TMEM230: variants seen among roughly 807,000 people sequenced by gnomAD.
The protein encoded by TMEM230 is transmembrane protein 230, also known as UPF0414 transmembrane protein C20orf30.
Under a neutral mutation model 15.8 loss-of-function variants are expected in TMEM230, and 10 were observed. The ratio of observed to expected loss-of-function variants is 0.63; its 90% CI spans 0.39 to 1.07. The LOEUF (loss-of-function observed/expected upper bound fraction) is 1.07. TMEM230 is among the 50% of genes least tolerant of loss of function. The pLI is 0.01. For synonymous variants in TMEM230, 67 were observed against 76.9 expected (o/e 0.87, Z 0.68); for missense variants, 165 against 193.3 (o/e 0.85, Z 0.87).
At chr20:5,091,000 G>A (rs1287901105) in intron 3 of TMEM230, among the ~76,000 whole-genome samples, 1 of 152,104 alleles carries the variant, frequency 6.6e-6, no homozygotes, top group African/African-American at 2.4e-5. Context: ...TTCATGATAA[G>A]CCTTGTTGAA....
intron 4 of TMEM230, among the ~76,000 whole-genome samples, chr20:5,103,430 C>T (rs2089948822): frequency 6.6e-6 from 1 of 152,026 alleles, no homozygotes; most frequent in Non-Finnish European, 1.5e-5. Flanking sequence ...CACCACTGTA[C>T]TCCTGGACTG....
At chr20:5,106,597 G>A (rs1218858026) in intron 3 of TMEM230, among the ~76,000 whole-genome samples, 1 of 152,146 alleles carries the variant, frequency 6.6e-6, no homozygotes, top group Non-Finnish European at 1.5e-5. Flanking sequence ...AGTAGAGACA[G>A]GGTTTCACCT....
At chr20:5,081,880 T>C (rs1274546989) in intron 3 of TMEM230, among the ~76,000 whole-genome samples, 20 of 44,002 alleles carry the variant, frequency 4.5e-4, no homozygotes, top group Admixed American at 2.2e-3. Context: ...TTTCTTTTTT[T>C]TTTTTTTTTT....
At chr20:5,061,735 G>T in the TMEM230 span, among the ~76,000 whole-genome samples, 1 of 152,082 alleles carries the variant, frequency 6.6e-6, no homozygotes, top group African/African-American at 2.4e-5. Context: ...TGAGAGGATG[G>T]AGCAAAGGAC....
At position 5,100,903 on chromosome 20, in the gene TMEM230, A is replaced by G. The variant is rs529854122; in HGVS notation, c.440T>C (p.Ile147Thr). Residue 147 changes from isoleucine to threonine, a missense_variant, in exon 5 of 5, where the codon ATC becomes ACC. Transcript: ENST00000342308. ...GGGTAGGAACACCAGAATGCCAATG[A>G]TCAGCACTGGAACGGCCCGGTCTGC... 9 of 1,614,190 alleles carry G rather than the reference A, an allele frequency of 5.6e-6. No homozygotes were observed. In the African/African-American group the frequency reaches 1.1e-4, roughly 19 times the overall value.
At chr20:5,112,920 G>A (rs1021978905) in intron 1 of TMEM230, 41 bp downstream of exon 1, 1 of 1,549,330 alleles carries the variant, frequency 6.5e-7, no homozygotes, top group Middle Eastern at 1.7e-4. Context: ...CAGAGCCCGA[G>A]AGGACGGTTC....
downstream of TMEM230, among the ~76,000 whole-genome samples, chr20:5,095,875 T>TG (rs2089651670): frequency 6.6e-6 from 1 of 151,502 alleles, no homozygotes; most frequent in South Asian, 2.1e-4. Context: ...TGAGGGGAGG[T>TG]GAAAAAATAG....
chr20:5,063,573 G>C (rs1258775244), downstream of TMEM230, among the ~76,000 whole-genome samples: 1 of 152,084 alleles, frequency 6.6e-6, no homozygotes, highest in East Asian at 1.9e-4. Context: ...AGAGGTGTGA[G>C]CCACCATGGC....
At chr20:5,105,778 C>T (rs921239324) in intron 4 of TMEM230, among the ~76,000 whole-genome samples, 1 of 151,896 alleles carries the variant, frequency 6.6e-6, no homozygotes, top group Non-Finnish European at 1.5e-5. Flanking sequence ...ATGGTTCACA[C>T]CTGCAATCCC....
exon 4 of TMEM230, chr20:5,069,237 C>T: frequency 6.5e-7 from 1 of 1,536,028 alleles, no homozygotes. Flanking sequence ...AAGCCTTGAG[C>T]TGAGTCCTCC....
Position 5,087,573 on chromosome 20 carries a change from C to A in TMEM230, c.223-18224G>T, listed in dbSNP as rs150032926. On this transcript the variant is annotated intron_variant, in intron 3 of 3. Transcript: ENST00000612323. ...GCAGTGGTACAATCTACAACCTCTA[C>A]CTCCTCTCCCCTGGCCTGGGTAGAG... Among the ~76,000 whole-genome samples the A allele has an allele frequency of 5.3e-5, 8 of 151,486 alleles. No homozygotes were observed. The East Asian group carries it at 1.6e-3, about 30-fold the overall frequency.
intron 3 of TMEM230, among the ~76,000 whole-genome samples, chr20:5,107,344 C>CTAGA (rs1316012498): frequency 6.6e-6 from 1 of 152,072 alleles, no homozygotes; most frequent in Non-Finnish European, 1.5e-5. Context: ...AAGAACCAAA[C>CTAGA]TAGATACTTT....
At chr20:5,086,744 G>GAGTAC (rs2089348990) in intron 3 of TMEM230, among the ~76,000 whole-genome samples, 1 of 150,368 alleles carries the variant, frequency 6.7e-6, no homozygotes, top group South Asian at 2.1e-4. Context: ...CTGTTGCTCA[G>GAGTAC]AGTGGAGTAC....
rs572528102 is a variant in TMEM230, at chr20:5,106,622, G to T, written c.289-312C>A. ...GGGTTTCACCTTGTTGACCTGGCTG[G>T]GCTTGAACTCCTGACCTCAGGTGAT... On this transcript the variant is annotated intron_variant, in intron 3 of 4. Coordinates refer to ENST00000342308, the MANE Select transcript of TMEM230 (RefSeq NM_001009923.2). 5.3e-5 allele frequency among the ~76,000 whole-genome samples: 8 copies of T among 152,210 alleles called. No homozygotes were observed. In the East Asian group the frequency reaches 1.6e-3, roughly 30 times the overall value.
At chr20:5,084,299 C>T (rs1029964872) in intron 3 of TMEM230, among the ~76,000 whole-genome samples, 1 of 151,348 alleles carries the variant, frequency 6.6e-6, no homozygotes. Context: ...TCTCGGCTCA[C>T]TGCAACCTCC....
At chr20:5,106,074 GACAAACACACACACACAC>G (rs1161845084) in intron 4 of TMEM230, 96 bp downstream of exon 3, 219 of 1,170,788 alleles carry the variant, frequency 1.9e-4, no homozygotes, top group African/African-American at 1.3e-3. Context: ...CACTGGGACG[GACAAACACACACACACAC>G]ACACACACAC....
At chr20:5,081,864 C>CTTTTTTTTTTTTTT (rs770805896) in intron 3 of TMEM230, among the ~76,000 whole-genome samples, 4 of 140,330 alleles carry the variant, frequency 2.9e-5, no homozygotes, top group African/African-American at 1.2e-4. Context: ...CACTGATTTT[C>CTTTTTTTTTTTTTT]TTTTTTTTCT....
chr20:5,103,496 C>T (rs1235254741), intron 4 of TMEM230, among the ~76,000 whole-genome samples: 1 of 150,502 alleles, frequency 6.6e-6, no homozygotes, highest in Non-Finnish European at 1.5e-5. Context: ...CTCATCTATA[C>T]AAAAAATGAA....
intron 3 of TMEM230, among the ~76,000 whole-genome samples, chr20:5,071,413 T>C (rs1444377294): frequency 3.3e-5 from 5 of 151,786 alleles, no homozygotes; most frequent in Non-Finnish European, 7.4e-5. Flanking sequence ...TCACCTCAGG[T>C]CAGGAATTCG....
Sources: gnomAD v4.1 joint callset for allele counts (sites outside exome capture counted in the v4.1 genomes callset) on GRCh38, gnomAD v4.1.1 for gene constraint, MANE v1.5 for transcripts, NCBI Gene and HGNC (gene_info 2026-07-23, HGNC 2026-07-21) for gene names.